RGS5: variants seen among roughly 807,000 people sequenced by gnomAD.
RGS5 encodes the protein regulator of G-protein signalling 5.
A neutral mutation model predicts 18.9 loss-of-function variants in RGS5; 20 were observed. The observed-to-expected ratio is 1.06, with a 90% CI of 0.74 to 1.54. RGS5 has a LOEUF of 1.54. RGS5 is among the 40% of genes most tolerant of loss of function. The pLI is 0.00. For missense variants in RGS5, 201 were observed against 211.8 expected, an observed-to-expected ratio of 0.95 and a Z score of 0.32; for synonymous variants, 57 against 76.2, an observed-to-expected ratio of 0.75 and a Z score of 1.31.
Position 163,255,446 on chromosome 1 carries a change from C to A in RGS5, c.-281+50787G>T, listed in dbSNP as rs528958228. Among the ~76,000 whole-genome samples, 14 of 152,202 alleles carry A rather than the reference C, an allele frequency of 9.2e-5. No homozygotes were observed. The East Asian group carries it at 2.7e-3, about 29-fold the overall frequency. On this transcript the variant is annotated intron_variant, in intron 2 of 5. Transcript: ENST00000618415. ...ACTCTCTGAATATACCAATAACAGG[C>A]TCTGAAATAGTGGCAATAATCAATA... is the stretch of plus-strand genomic sequence containing the variant.
intron 2 of RGS5, among the ~76,000 whole-genome samples, chr1:163,230,327 T>G (rs745523684): frequency 6.6e-6 from 1 of 152,218 alleles, no homozygotes; most frequent in Admixed American, 6.5e-5. Flanking sequence ...ATAGTAGGTA[T>G]ACAGTCAATA....
intron 1 of RGS5, among the ~76,000 whole-genome samples, chr1:163,310,146 T>C (rs1241779150): frequency 1.3e-5 from 2 of 152,224 alleles, no homozygotes; most frequent in East Asian, 1.9e-4. Flanking sequence ...AGATTCAGCA[T>C]AATTCTTAAG....
chr1:163,259,410 C>T (rs965314686), intron 2 of RGS5, among the ~76,000 whole-genome samples: 5 of 151,958 alleles, frequency 3.3e-5, no homozygotes, highest in Admixed American at 6.6e-5. Context: ...GTGATCCGCC[C>T]GCCTCTGCTT....
chr1:163,303,639 C>A (rs1649621385), intron 2 of RGS5, among the ~76,000 whole-genome samples: 1 of 152,166 alleles, frequency 6.6e-6, no homozygotes, highest in Non-Finnish European at 1.5e-5. Flanking sequence ...CTCTATCAGT[C>A]CTTGTTTTTC....
intron 1 of RGS5, among the ~76,000 whole-genome samples, chr1:163,314,916 G>A (rs1197707322): frequency 2.0e-5 from 3 of 152,172 alleles, no homozygotes; most frequent in Non-Finnish European, 4.4e-5. Flanking sequence ...CCAGCCTCCA[G>A]AACTGTGAGA....
chr1:163,315,648 T>C (rs1649999669), intron 1 of RGS5, among the ~76,000 whole-genome samples: 1 of 152,160 alleles, frequency 6.6e-6, no homozygotes, highest in Non-Finnish European at 1.5e-5. Flanking sequence ...AAGAATTCCA[T>C]GCGAGTCCTT....
At chr1:163,180,991 C>T (rs1292485845) in intron 1 of RGS5, among the ~76,000 whole-genome samples, 1 of 151,906 alleles carries the variant, frequency 6.6e-6, no homozygotes, top group Non-Finnish European at 1.5e-5. Flanking sequence ...ACCGCGCCCG[C>T]CCCCCTGTTC....
At chr1:163,304,774 A>C (rs573133341) in intron 2 of RGS5, 1 of 152,362 alleles carries the variant, frequency 6.6e-6, no homozygotes, top group South Asian at 2.1e-4. Context: ...TTAATAGTCA[A>C]TACAATGATT....
At chr1:163,315,831 C>A (rs952152030) in intron 1 of RGS5, among the ~76,000 whole-genome samples, 1 of 152,146 alleles carries the variant, frequency 6.6e-6, no homozygotes, top group Non-Finnish European at 1.5e-5. Context: ...GGGCTCTAAA[C>A]ATGTATTCTA....
intron 2 of RGS5, among the ~76,000 whole-genome samples, chr1:163,295,459 T>C (rs1649398294): frequency 6.6e-6 from 1 of 152,216 alleles, no homozygotes; most frequent in Non-Finnish European, 1.5e-5. Flanking sequence ...TGAAACTTCT[T>C]GGGAAAGTTT....
chr1:163,275,067 G>C (rs139206829), intron 2 of RGS5, among the ~76,000 whole-genome samples: 72 of 152,298 alleles, frequency 4.7e-4, no homozygotes, highest in Middle Eastern at 3.4e-3. Flanking sequence ...AGTGAGCTGT[G>C]ATCATGCCAG....
intron 2 of RGS5, among the ~76,000 whole-genome samples, chr1:163,229,578 T>G (rs1647424698): frequency 6.6e-6 from 1 of 152,212 alleles, no homozygotes; most frequent in Admixed American, 6.5e-5. Flanking sequence ...TGACTCTGTC[T>G]TCTACTCCCC....
intron 2 of RGS5, among the ~76,000 whole-genome samples, chr1:163,296,502 T>C (rs1649422151): frequency 6.6e-6 from 1 of 152,188 alleles, no homozygotes; most frequent in African/African-American, 2.4e-5. Context: ...AGATAAATCA[T>C]AACAGCTCAT....
intron 2 of RGS5, among the ~76,000 whole-genome samples, chr1:163,271,704 T>A (rs1243076132): frequency 2.0e-5 from 3 of 152,216 alleles, no homozygotes; most frequent in Non-Finnish European, 2.9e-5. Context: ...GATGGACATT[T>A]GGATTGTTTC....
At chr1:163,285,902 TGA>T (rs1006370421) in intron 2 of RGS5, among the ~76,000 whole-genome samples, 2 of 151,994 alleles carry the variant, frequency 1.3e-5, no homozygotes, top group African/African-American at 4.8e-5. Flanking sequence ...CACAGAACCA[TGA>T]GCCGATTATA....
rs192964015 is a variant in RGS5, at chr1:163,195,532, A to G, written c.44+7260T>C. On this transcript the variant is annotated intron_variant, in intron 1 of 4. Coordinates refer to ENST00000313961, the MANE Select transcript of RGS5 (RefSeq NM_003617.4). ...TTCAGAAATCACCACTAAAGAACTT[A>G]TTCATGTAACCAAACATCAACTGTA... Among the ~76,000 whole-genome samples, 885 of 152,240 alleles carry G rather than the reference A, an allele frequency of 5.8e-3. 8 individuals are homozygous for G. Among genetic ancestry groups the G allele is most frequent in the African/African-American group, 0.02 (845 of 41,556 alleles).
At chr1:163,315,314 T>G (rs1649990899) in intron 1 of RGS5, among the ~76,000 whole-genome samples, 1 of 152,154 alleles carries the variant, frequency 6.6e-6, no homozygotes, top group Admixed American at 6.5e-5. Flanking sequence ...TCCAGCACTT[T>G]GGGAGGCCAA....
intron 2 of RGS5, among the ~76,000 whole-genome samples, chr1:163,285,447 C>T (rs1649118244): frequency 6.6e-6 from 1 of 152,030 alleles, no homozygotes; most frequent in Non-Finnish European, 1.5e-5. Flanking sequence ...CCCAGCTACT[C>T]GGGAGGCTGA....
At chr1:163,278,416 A>G (rs1648912020) in intron 2 of RGS5, among the ~76,000 whole-genome samples, 1 of 152,164 alleles carries the variant, frequency 6.6e-6, no homozygotes, top group Admixed American at 6.5e-5. Flanking sequence ...TTTTTCTCAG[A>G]CAAGTAAAAA....
Sources: allele counts gnomAD v4.1 joint callset (sites outside exome capture counted in the v4.1 genomes callset), GRCh38; gene constraint gnomAD v4.1.1; transcripts MANE v1.5; gene names NCBI Gene and HGNC (gene_info 2026-07-23, HGNC 2026-07-21).